TUBGCP2: variants seen among roughly 807,000 people sequenced by gnomAD.
TUBGCP2 encodes tubulin gamma complex component 2.
TUBGCP2 carries 55 observed loss-of-function variants against 92.2 expected under a neutral mutation model. The observed-to-expected ratio is 0.60, with a 90% confidence interval of 0.48 to 0.75. TUBGCP2 has a LOEUF of 0.75. Among genes scored for constraint, TUBGCP2 ranks in the 30% least tolerant of loss-of-function variants. The probability of loss-of-function intolerance (pLI) is 0.00; values close to 1 mark genes in which losing one functional copy is unlikely to be tolerated. For missense variants in TUBGCP2, 1,093 were observed against 1,188.9 expected, an observed-to-expected ratio of 0.92 and a Z score of 1.19; for synonymous variants, 533 against 505.2, an observed-to-expected ratio of 1.06 and a Z score of -0.74.
At chr10:133,287,209 G>C (rs756513863) in intron 11 of TUBGCP2, among the ~76,000 whole-genome samples, 22 of 152,162 alleles carry the variant, frequency 1.4e-4, no homozygotes, top group Non-Finnish European at 2.9e-5. Flanking sequence ...CGACCAAGAG[G>C]AAAGGGACTG....
rs1847030415 is a variant in TUBGCP2, at chr10:133,283,080, G to A, written c.2287C>T (p.Gln763Ter). 1 of 1,614,074 alleles carries A rather than the reference G, an allele frequency of 6.2e-7. No homozygotes were observed. The highest frequency in any genetic ancestry group is 8.5e-7 in the Non-Finnish European group (1 of 1,180,040). Residue 763 changes from glutamine (Q) to a stop codon, truncating the protein, a stop_gained and splice_region_variant, in exon 15 of 18, where the codon CAG becomes TAG. Transcript: ENST00000252936. LOFTEE classifies it high-confidence loss of function. ...SVCVMFTNCM[Q>*]KFTQSMKLDG... ...TGGTGCTACCCACACCCACGCACCTGCATGCAGTTGGTGAACATGACGCAC... is the reference window on the plus strand; with the variant it reads ...TGGTGCTACCCACACCCACGCACCTACATGCAGTTGGTGAACATGACGCAC...
chr10:133,298,061 A>AT lies in TUBGCP2; in HGVS notation c.506dup (p.Asn169LysfsTer15), dbSNP rs372605588. 6.2e-7 allele frequency: 1 copy of AT among 1,613,916 alleles called. No individual in the cohort carries two copies. The highest frequency in any genetic ancestry group is 8.5e-7 in the Non-Finnish European group (1 of 1,179,918). ...GGAAGATGGGGAGGTGCTGGCCTGAATTTTTTTTGTTCTGCTTGTCTCGAA... is the reference window on the plus strand; with the variant it reads ...GGAAGATGGGGAGGTGCTGGCCTGAATTTTTTTTTGTTCTGCTTGTCTCGAA... On this transcript the variant is annotated frameshift_variant, in exon 5 of 18. Transcript: ENST00000252936. LOFTEE classifies it high-confidence loss of function.
At position 133,299,967 on chromosome 10, in the gene TUBGCP2, C is replaced by A. The variant is rs367854921; in HGVS notation, c.279+18G>T. The stretch of plus-strand genomic sequence containing the variant: ...TGGGCCGTACGGGCGCAGTGTGGCA[C>A]GTGGCATGGGCACCTACCTCTTTGT... On this transcript the variant is annotated intron_variant, in intron 3 of 17. Transcript: ENST00000252936. 11 of 1,612,790 alleles carry A rather than the reference C, an allele frequency of 6.8e-6. No homozygotes were observed. The highest frequency in any genetic ancestry group is 8.5e-6 in the Non-Finnish European group (10 of 1,179,176).
At position 133,281,332 on chromosome 10, in the gene TUBGCP2, G is replaced by C. The variant is rs1437021463; in HGVS notation, c.2514C>G (p.Ala838=). Residue 838 remains alanine (A), a synonymous_variant, in exon 17 of 18, where the codon GCC becomes GCG. Coordinates refer to ENST00000252936, the MANE Select transcript of TUBGCP2 (RefSeq NM_006659.4). The stretch of plus-strand genomic sequence containing the variant: ...CACTGGTGCTATAGATGCTCAGCCG[G>C]GCCAGGAGGTCCAGCAGGTGGGCTG... ...NFSAHLLDLL[A]RLSIYSTSDC... 2 of 1,613,582 alleles carry C rather than the reference G, an allele frequency of 1.2e-6. No individual in the cohort carries two copies. Among genetic ancestry groups the C allele is most frequent in the Non-Finnish European group, 1.7e-6 (2 of 1,180,006 alleles).
At chr10:133,305,283 A>C (rs1360975974) in intron 1 of TUBGCP2, among the ~76,000 whole-genome samples, 3 of 152,202 alleles carry the variant, frequency 2.0e-5, no homozygotes, top group Admixed American at 6.5e-5. Flanking sequence ...TAATGACATA[A>C]GCTGTCCTCT....
At position 133,279,783 on chromosome 10, in the gene TUBGCP2, C is replaced by A; in HGVS notation, c.2692G>T (p.Ala898Ser). 1 of 1,561,660 alleles carries A rather than the reference C, an allele frequency of 6.4e-7. No homozygotes were observed. Among genetic ancestry groups the A allele is most frequent in the Non-Finnish European group, 8.7e-7 (1 of 1,153,272 alleles). ...GCCAGGGCTCACTGTGCGGTGACTG[C>A]GACCCTGGGTGCAGGAGCCGGGGGC... ...RGPPAPAPRV[A>S]VTAQ The change falls in exon 18 of 18, where the codon GCA becomes TCA. Residue 898 changes from alanine (A) to serine (S), a missense_variant. Transcript: ENST00000252936.
chr10:133,281,484 G>T, intron 16 of TUBGCP2, 48 bp from the exon 17 acceptor site: 1 of 1,594,874 alleles, frequency 6.3e-7, no homozygotes. Flanking sequence ...CCCACCGTGG[G>T]CCTTCTTGGC....
chr10:133,283,448 G>A (rs1847040651), intron 14 of TUBGCP2, among the ~76,000 whole-genome samples: 1 of 152,272 alleles, frequency 6.6e-6, no homozygotes, highest in Non-Finnish European at 1.5e-5. Context: ...GGAGGCTGCG[G>A]CAGCTTCTGG....
intron 4 of TUBGCP2, among the ~76,000 whole-genome samples, chr10:133,298,652 T>C (rs1030766044): frequency 9.2e-5 from 14 of 152,264 alleles, no homozygotes; most frequent in African/African-American, 2.7e-4. Flanking sequence ...CGGCCTGGGC[T>C]GGCCCAGCTT....
upstream of TUBGCP2, chr10:133,311,717 C>T: frequency 2.5e-6 from 4 of 1,611,852 alleles, no homozygotes; most frequent in Non-Finnish European, 3.4e-6. Flanking sequence ...TCCCCGCAGC[C>T]CAGCCTCAGC....
intron 14 of TUBGCP2, among the ~76,000 whole-genome samples, 159 bp downstream of exon 14, chr10:133,283,723 C>T (rs7069509): frequency 7.2e-5 from 10 of 139,734 alleles, no homozygotes; most frequent in South Asian, 2.2e-4. Flanking sequence ...CTGCCTCTCC[C>T]GCACTCCCTG....
upstream of TUBGCP2, chr10:133,309,534 G>A: frequency 6.5e-7 from 1 of 1,529,228 alleles, no homozygotes; most frequent in African/African-American, 1.4e-5. Flanking sequence ...TGGTCCCTGG[G>A]GCTGTGCTGC....
At chr10:133,296,474 ACTG>A (rs940305618) in intron 5 of TUBGCP2, among the ~76,000 whole-genome samples, 13 of 150,034 alleles carry the variant, frequency 8.7e-5, no homozygotes, top group Admixed American at 2.0e-4. Flanking sequence ...CACAAAGCAG[ACTG>A]CTTTGTTTTT....
chr10:133,287,166 A>G (rs904087078), intron 11 of TUBGCP2, among the ~76,000 whole-genome samples: 2 of 152,240 alleles, frequency 1.3e-5, no homozygotes, highest in Admixed American at 1.3e-4. Context: ...AAACCCATGA[A>G]CTGTGCACCA....
chr10:133,281,688 G>T (rs1298674803), intron 16 of TUBGCP2, among the ~76,000 whole-genome samples: 1 of 152,246 alleles, frequency 6.6e-6, no homozygotes, highest in Non-Finnish European at 1.5e-5. Context: ...TGAGATGAAC[G>T]AGCTTTCCCA....
At chr10:133,304,071 G>A (rs764993243) in intron 1 of TUBGCP2, among the ~76,000 whole-genome samples, 1 of 152,176 alleles carries the variant, frequency 6.6e-6, no homozygotes, top group Non-Finnish European at 1.5e-5. Context: ...AGTGGCTCTC[G>A]CCTGGAATCC....
Position 133,285,709 on chromosome 10 carries a change from A to C in TUBGCP2, c.1723-81T>G. 5 of 1,383,544 alleles carry C rather than the reference A, an allele frequency of 3.6e-6. No individual in the cohort carries two copies. Among genetic ancestry groups the C allele is most frequent in the Non-Finnish European group, 4.8e-6 (5 of 1,048,688 alleles). 85.7% of individuals were successfully genotyped at this position (1,383,544 alleles called of 1,614,324 possible). A position where few individuals can be genotyped will look rare whatever the true frequency, so the allele number is the denominator to read the frequency against. On this transcript the variant is annotated intron_variant, in intron 11 of 17. Transcript: ENST00000252936. The surrounding 1 kb of genome is among the most constrained non-coding windows in gnomAD (Gnocchi z 6.8). ...CGCATCCCGATCGCCATCCTCGCTCACAGACCCAGCGCTGACGTAAGGTTC... is the reference window on the plus strand; with the variant it reads ...CGCATCCCGATCGCCATCCTCGCTCCCAGACCCAGCGCTGACGTAAGGTTC...
At chr10:133,293,803 C>A in intron 5 of TUBGCP2, 34 bp from the exon 6 acceptor site, 2 of 1,550,624 alleles carry the variant, frequency 1.3e-6, no homozygotes, top group Non-Finnish European at 1.7e-6. Context: ...GCTCTGCAGC[C>A]CCCACTCCCA....
intron 2 of TUBGCP2, 150 bp from the exon 3 acceptor site, chr10:133,300,263 T>C (rs1437635054): frequency 1.1e-6 from 1 of 937,420 alleles, no homozygotes. Context: ...ACAAAACTCA[T>C]CTCCATATTG....
Sources: gnomAD v4.1 joint callset for allele counts (sites outside exome capture counted in the v4.1 genomes callset) on GRCh38, gnomAD v4.1.1 for gene constraint, Gnocchi (gnomAD v3.1) non-coding constraint, MANE v1.5 for transcripts, NCBI Gene and HGNC (gene_info 2026-07-23, HGNC 2026-07-21) for gene names.